The following TSHZ2 variants were observed in gnomAD, a reference collection of about 807,000 sequenced individuals.
The protein encoded by TSHZ2 is teashirt zinc finger homeobox 2.
A neutral mutation model predicts 74.4 loss-of-function variants in TSHZ2; 21 were observed. The observed-to-expected ratio is 0.28, with a 90% CI of 0.20 to 0.41. TSHZ2 has a LOEUF of 0.41. Ranked by LOEUF, TSHZ2 falls within the 10% of genes least tolerant of loss-of-function variation. The probability of loss-of-function intolerance (pLI) is 1.00; values close to 1 mark genes in which losing one functional copy is unlikely to be tolerated. For missense variants in TSHZ2, 1,244 were observed against 1,293.5 expected, an observed-to-expected ratio of 0.96 and a Z score of 0.59; for synonymous variants, 540 against 515.3, an observed-to-expected ratio of 1.05 and a Z score of -0.65.
intron 1 of TSHZ2, among the ~76,000 whole-genome samples, chr20:53,067,133 G>A (rs973056167): frequency 5.9e-5 from 9 of 152,166 alleles, no homozygotes; most frequent in African/African-American, 1.4e-4. Flanking sequence ...TTATGACAAC[G>A]TGAATAGTTT....
intron 2 of TSHZ2, among the ~76,000 whole-genome samples, chr20:53,308,479 GC>G (rs1043282494): frequency 2.0e-5 from 3 of 152,122 alleles, no homozygotes; most frequent in African/African-American, 7.2e-5. Context: ...CGGAAAATAA[GC>G]AAAGGACTCA....
chr20:52,973,292 G>A lies in TSHZ2; in HGVS notation c.-2G>A, dbSNP rs779864377. ...AGAAGTGGGACTGGAGCGAAGTAGAGGATGCCGAGGAGAAAACAGCAGGCA... is the reference window on the plus strand; with the variant it reads ...AGAAGTGGGACTGGAGCGAAGTAGAAGATGCCGAGGAGAAAACAGCAGGCA... On this transcript the variant is annotated 5_prime_UTR_variant, in exon 1 of 3. Transcript: ENST00000371497. The A allele has an allele frequency of 6.4e-7, 1 of 1,553,016 alleles. No homozygotes were observed. Among genetic ancestry groups the A allele is most frequent in the Non-Finnish European group, 8.7e-7 (1 of 1,147,432 alleles).
At chr20:53,009,598 C>G (rs1485856285) in intron 1 of TSHZ2, among the ~76,000 whole-genome samples, 1 of 152,000 alleles carries the variant, frequency 6.6e-6, no homozygotes, top group Admixed American at 6.6e-5. Context: ...AAAGCAAAAC[C>G]ACAGATAAGT....
In TSHZ2 at chr20:53,301,629, G is replaced by A. The variant is rs1005996370; in HGVS notation, c.*8+45058G>A. ...TAGGAGCAAGAAGGTAAAAGGAAAA[G>A]CATAGAGAACGACAGATACACGTTT... On this transcript the variant is annotated intron_variant, in intron 2 of 2. Transcript: ENST00000371497. Among the ~76,000 whole-genome samples, 18 of 152,264 alleles carry A rather than the reference G, an allele frequency of 1.2e-4. 2 individuals carry two copies. The highest frequency in any genetic ancestry group is 8.5e-4 in the Admixed American group (13 of 15,290).
chr20:53,119,501 A>T (rs1478697823), intron 1 of TSHZ2, among the ~76,000 whole-genome samples: 1 of 152,192 alleles, frequency 6.6e-6, no homozygotes, highest in Admixed American at 6.5e-5. Flanking sequence ...GTCCAGCGCT[A>T]TGCTGCCCAG....
At chr20:53,281,281 C>T (rs1991056233) in intron 2 of TSHZ2, among the ~76,000 whole-genome samples, 1 of 152,160 alleles carries the variant, frequency 6.6e-6, no homozygotes, top group Non-Finnish European at 1.5e-5. Context: ...CAGGCATCCA[C>T]TGAGTCAAGG....
At chr20:53,014,989 C>G (rs1173756268) in intron 1 of TSHZ2, among the ~76,000 whole-genome samples, 1 of 152,190 alleles carries the variant, frequency 6.6e-6, no homozygotes, top group Admixed American at 6.5e-5. Context: ...TGCCTACCTC[C>G]CCACCTCTCC....
chr20:53,026,035 G>A (rs1983431736), intron 1 of TSHZ2, among the ~76,000 whole-genome samples: 1 of 152,118 alleles, frequency 6.6e-6, no homozygotes, highest in East Asian at 1.9e-4. Context: ...CCCAACAAGT[G>A]CTCTTTGTCA....
intron 1 of TSHZ2, among the ~76,000 whole-genome samples, chr20:53,209,946 A>G (rs1226090225): frequency 6.6e-6 from 1 of 152,194 alleles, no homozygotes; most frequent in East Asian, 1.9e-4. Flanking sequence ...AGGCAGTGGC[A>G]ACCACTTGGG....
chr20:53,354,038 C>T (rs1353203831), intron 2 of TSHZ2, among the ~76,000 whole-genome samples: 1 of 152,166 alleles, frequency 6.6e-6, no homozygotes, highest in African/African-American at 2.4e-5. Context: ...TGGAAGGATT[C>T]AGTGTAATGC....
chr20:53,029,471 T>A (rs1225856259), intron 1 of TSHZ2, among the ~76,000 whole-genome samples: 1 of 151,996 alleles, frequency 6.6e-6, no homozygotes, highest in Middle Eastern at 3.4e-3. Context: ...AGGTCAGGAG[T>A]TCGAGACCAG....
chr20:53,048,834 G>A (rs1984325337), intron 1 of TSHZ2, among the ~76,000 whole-genome samples: 1 of 152,106 alleles, frequency 6.6e-6, no homozygotes, highest in Non-Finnish European at 1.5e-5. Flanking sequence ...CCACCCACTG[G>A]GCTTGCCAGT....
At chr20:53,485,456 C>T (rs1986266768) in intron 2 of TSHZ2, among the ~76,000 whole-genome samples, 1 of 152,146 alleles carries the variant, frequency 6.6e-6, no homozygotes, top group African/African-American at 2.4e-5. Flanking sequence ...CACCTGTAAT[C>T]CCAGCTCTTT....
At chr20:53,049,607 CTT>C (rs2123122579) in intron 1 of TSHZ2, among the ~76,000 whole-genome samples, 1 of 152,164 alleles carries the variant, frequency 6.6e-6, no homozygotes, top group East Asian at 1.9e-4. Context: ...TCATATATGT[CTT>C]TGAATTCTTA....
intron 1 of TSHZ2, among the ~76,000 whole-genome samples, chr20:53,140,514 TG>T (rs1987366237): frequency 8.5e-6 from 1 of 117,754 alleles, no homozygotes; most frequent in South Asian, 2.9e-4. Flanking sequence ...CACTCCAGCC[TG>T]GGTGACAGAG....
In TSHZ2 at chr20:53,491,076, A is replaced by C. The variant is rs959849150; in HGVS notation, c.*3941A>C. The C allele has an allele frequency of 1.1e-4, 15 of 141,426 alleles. No individual in the cohort carries two copies. Among genetic ancestry groups the C allele is most frequent in the African/African-American group, 3.9e-4 (15 of 38,062 alleles). The allele number at this position is 141,426 out of a possible 1,614,324, so 8.8% of individuals were successfully genotyped here. On this transcript the variant is annotated 3_prime_UTR_variant, in exon 3 of 3. Transcript: ENST00000371497. ...AATGCTTTTGTTTAAAAAAAAAAAA[A>C]AAACCCCAAATGTCATTTTTCACAT...
chr20:53,001,977 G>A (rs140703984), intron 1 of TSHZ2, among the ~76,000 whole-genome samples: 64 of 152,248 alleles, frequency 4.2e-4, no homozygotes, highest in Middle Eastern at 3.4e-3. Flanking sequence ...AAAAGAAAAC[G>A]GAAGTTGTCA....
rs73148686 is a variant in TSHZ2 at position 53,261,442 on chromosome 20, A to G, written c.*8+4871A>G. ...TACATACACCTAATATTAAAAAAGAACATCCTCATTCTGACCCTCAGGAAT... is the reference window on the plus strand; with the variant it reads ...TACATACACCTAATATTAAAAAAGAGCATCCTCATTCTGACCCTCAGGAAT... On this transcript the variant is annotated intron_variant, in intron 2 of 2. Transcript: ENST00000371497. 8.3e-4 allele frequency among the ~76,000 whole-genome samples: 127 copies of G among 152,372 alleles called. 1 individual carries two copies. Among genetic ancestry groups the G allele is most frequent in the Non-Finnish European group, 1.5e-3 (105 of 68,034 alleles).
chr20:53,324,388 T>C (rs982933927), intron 2 of TSHZ2, among the ~76,000 whole-genome samples: 2 of 152,106 alleles, frequency 1.3e-5, no homozygotes, highest in Admixed American at 1.3e-4. Context: ...TGTTTTGCTT[T>C]GTTTTTTGAG....
Sources: gnomAD v4.1 joint callset for allele counts (sites outside exome capture counted in the v4.1 genomes callset) on GRCh38, gnomAD v4.1.1 for gene constraint, MANE v1.5 for transcripts, NCBI Gene and HGNC (gene_info 2026-07-23, HGNC 2026-07-21) for gene names.